ALPL: variants seen among roughly 807,000 people sequenced by gnomAD.
ALPL encodes the protein alkaline phosphatase, tissue-nonspecific isozyme.
A neutral mutation model predicts 51.3 loss-of-function variants in ALPL; 42 were observed. That is an observed-to-expected ratio of 0.82 (90% CI 0.64 to 1.06). The LOEUF is 1.06. Among genes scored for constraint, ALPL ranks in the 50% least tolerant of loss-of-function variants. ALPL has a pLI of 0.00. For missense variants in ALPL, 589 were observed against 709.4 expected (o/e 0.83, Z 1.93); for synonymous variants, 279 against 296.4 (o/e 0.94, Z 0.60).
chr1:21,561,509 C>T (rs1644484568), intron 4 of ALPL, among the ~76,000 whole-genome samples: 1 of 152,166 alleles, frequency 6.6e-6, no homozygotes, highest in African/African-American at 2.4e-5. Context: ...CCCACGTTAG[C>T]CTCCCGAGTA....
chr1:21,523,590 G>A (rs1386773778), intron 1 of ALPL, among the ~76,000 whole-genome samples: 1 of 152,200 alleles, frequency 6.6e-6, no homozygotes, highest in Non-Finnish European at 1.5e-5. Flanking sequence ...CACACCCTGA[G>A]GCTGGGCCCA....
chr1:21,559,259 C>G (rs1251063551), intron 2 of ALPL, among the ~76,000 whole-genome samples: 2 of 152,130 alleles, frequency 1.3e-5, no homozygotes, highest in Non-Finnish European at 1.5e-5. Flanking sequence ...CTGATAGGGC[C>G]CTGGGACAGA....
intron 2 of ALPL, among the ~76,000 whole-genome samples, chr1:21,559,279 C>T (rs116306972): frequency 0.016 from 2,473 of 152,238 alleles, 86 homozygotes; most frequent in African/African-American, 0.056. Flanking sequence ...AGGGGAGCCC[C>T]GCAGACTCTG....
chr1:21,553,770 A>G (rs1644362324), intron 1 of ALPL, among the ~76,000 whole-genome samples: 2 of 152,216 alleles, frequency 1.3e-5, no homozygotes. Context: ...CATGGAACTC[A>G]TTGACACTGA....
intron 1 of ALPL, among the ~76,000 whole-genome samples, chr1:21,553,583 G>A (rs188198483): frequency 1.0e-3 from 156 of 152,296 alleles, no homozygotes; most frequent in Middle Eastern, 6.8e-3. Context: ...AAATACAATC[G>A]GAGCCTCACC....
chr1:21,554,001 G>A lies in ALPL; in HGVS notation c.-81G>A, dbSNP rs528218843. 73 of 1,141,802 alleles carry A rather than the reference G, an allele frequency of 6.4e-5. No homozygotes were observed. The highest frequency in any genetic ancestry group is 2.7e-4 in the Middle Eastern group (1 of 3,734). The allele number at this position is 1,141,802 out of a possible 1,614,324, so 70.7% of individuals were successfully genotyped here. On this transcript the variant is annotated 5_prime_UTR_variant, in exon 2 of 12. Transcript: ENST00000374840. The stretch of plus-strand genomic sequence containing the variant: ...AGGATTGGAACATCAGTTAACATCT[G>A]ACCACTGCCAGCCCACCCCCTCCCA...
rs1031076532 is a variant in ALPL at position 21,570,206 on chromosome 1, A to G, written c.793-99A>G. 2.5e-6 allele frequency: 3 copies of G among 1,219,566 alleles called. No individual in the cohort carries two copies. In the South Asian group the frequency reaches 3.8e-5, roughly 16 times the overall value. 75.5% of individuals were successfully genotyped at this position (1,219,566 alleles called of 1,614,324 possible). Reference sequence around the variant, plus strand: ...CAGGGAGAGATTTTTAAGTGAGGGAAGGAAACAAGTAAAGGCCTCAGACTC... The same window carrying G: ...CAGGGAGAGATTTTTAAGTGAGGGAGGGAAACAAGTAAAGGCCTCAGACTC... On this transcript the variant is annotated intron_variant, in intron 7 of 11. Coordinates refer to ENST00000374840, the MANE Select transcript of ALPL (RefSeq NM_000478.6).
intron 1 of ALPL, among the ~76,000 whole-genome samples, chr1:21,516,265 GT>G (rs1643798223): frequency 6.6e-6 from 1 of 152,124 alleles, no homozygotes; most frequent in Non-Finnish European, 1.5e-5. Flanking sequence ...GCATACAGGA[GT>G]TACTAACTGA....
intron 2 of ALPL, 56 bp from the exon 3 acceptor site, chr1:21,560,570 C>A: frequency 6.2e-7 from 1 of 1,606,850 alleles, no homozygotes; most frequent in South Asian, 1.1e-5. Context: ...ATCTGTACGT[C>A]TGGAGATAGG....
chr1:21,538,146 C>A lies in ALPL; in HGVS notation c.-104-15832C>A, dbSNP rs571300462. On this transcript the variant is annotated intron_variant, in intron 1 of 11. Transcript: ENST00000374840. The stretch of plus-strand genomic sequence containing the variant: ...TCCTTGTTTATTGTCTCACTGAATT[C>A]TTGTTCCTCCAGTGACGTAGGCTCT... Among the ~76,000 whole-genome samples, 14 of 152,354 alleles carry A rather than the reference C, an allele frequency of 9.2e-5. No homozygotes were observed. The South Asian group carries it at 2.5e-3, about 27-fold the overall frequency.
intron 6 of ALPL, among the ~76,000 whole-genome samples, chr1:21,567,545 C>T (rs1013153675): frequency 6.6e-6 from 1 of 152,326 alleles, no homozygotes; most frequent in East Asian, 1.9e-4. Context: ...AGCCTTCCAC[C>T]GTGGGAGAGG....
At chr1:21,551,286 C>A in intron 1 of ALPL, 1 of 152,394 alleles carries the variant, frequency 6.6e-6, no homozygotes, top group African/African-American at 2.4e-5. Context: ...CTTAGAAACT[C>A]CCGGTGTGGC....
intron 1 of ALPL, among the ~76,000 whole-genome samples, chr1:21,551,719 GTTTTT>G (rs397861981): frequency 2.4e-4 from 15 of 61,436 alleles, no homozygotes; most frequent in African/African-American, 8.1e-4. Flanking sequence ...AGCTTGCGTG[GTTTTT>G]TTTTTTTTTT....
At chr1:21,545,069 G>A (rs1022059801) in intron 1 of ALPL, among the ~76,000 whole-genome samples, 1 of 152,040 alleles carries the variant, frequency 6.6e-6, no homozygotes, top group Admixed American at 6.5e-5. Context: ...AATGGTGATA[G>A]TGACATCAGT....
Position 21,515,454 on chromosome 1 carries a change from T to C in ALPL, c.-105+5937T>C, listed in dbSNP as rs564967756. 1.6e-4 allele frequency among the ~76,000 whole-genome samples: 24 copies of C among 152,284 alleles called. No individual in the cohort carries two copies. In the East Asian group the frequency reaches 4.3e-3, roughly 27 times the overall value. ...CCCAGGCTGGAGTGCAGTGGCGTGA[T>C]CTCGGCTCACTACAACCTCCGCCTC... On this transcript the variant is annotated intron_variant, in intron 1 of 11. Coordinates refer to ENST00000374840, the MANE Select transcript of ALPL (RefSeq NM_000478.6).
intron 1 of ALPL, among the ~76,000 whole-genome samples, chr1:21,543,446 C>T (rs535322501): frequency 2.0e-5 from 3 of 151,818 alleles, no homozygotes; most frequent in Admixed American, 6.6e-5. Flanking sequence ...TGATAAAGAC[C>T]GGCCGGGCAG....
In ALPL at chr1:21,553,839, A is replaced by G. The variant is rs1435076703; in HGVS notation, c.-104-139A>G. 7 of 546,874 alleles carry G rather than the reference A, an allele frequency of 1.3e-5. 1 individual carries two copies. The highest frequency in any genetic ancestry group is 6.0e-5 in the South Asian group (3 of 50,256). The allele number at this position is 546,874 out of a possible 1,614,324, so 33.9% of individuals were successfully genotyped here. On this transcript the variant is annotated intron_variant, in intron 1 of 11. Coordinates refer to ENST00000374840, the MANE Select transcript of ALPL (RefSeq NM_000478.6). ...AGGGACCAGCTGGGTTTGGCATCCC[A>G]ATGTTGAGCCCCATGCCTGGTCTGT...
intron 1 of ALPL, among the ~76,000 whole-genome samples, chr1:21,532,718 T>G (rs1644046764): frequency 6.6e-6 from 1 of 152,216 alleles, no homozygotes; most frequent in African/African-American, 2.4e-5. Flanking sequence ...CTTCTGGACC[T>G]TGGCATGGGC....
At chr1:21,535,500 T>C (rs1644093802) in intron 1 of ALPL, among the ~76,000 whole-genome samples, 1 of 151,920 alleles carries the variant, frequency 6.6e-6, no homozygotes, top group South Asian at 2.1e-4. Flanking sequence ...TGGTCCCAGC[T>C]ACTTGGTCTC....
Sources: allele counts gnomAD v4.1 joint callset (sites outside exome capture counted in the v4.1 genomes callset), GRCh38; gene constraint gnomAD v4.1.1; transcripts MANE v1.5; gene names NCBI Gene and HGNC (gene_info 2026-07-23, HGNC 2026-07-21).